The following PIN1 variants were observed in gnomAD, a reference collection of about 807,000 sequenced individuals.
PIN1 encodes the protein peptidylprolyl cis/trans isomerase, NIMA-interacting 1.
A neutral mutation model predicts 19.9 loss-of-function variants in PIN1; 8 were observed. That is an observed-to-expected ratio of 0.40 (90% confidence interval 0.24 to 0.72). The LOEUF is 0.72. Ranked by LOEUF, PIN1 falls within the 30% of genes least tolerant of loss-of-function variation. The probability of loss-of-function intolerance (pLI) is 0.37; values close to 1 mark genes in which losing one functional copy is unlikely to be tolerated. For missense variants in PIN1, 185 were observed against 226.5 expected (o/e 0.82, Z 1.18); for synonymous variants, 86 against 90.8 (o/e 0.95, Z 0.30).
At chr19:9,835,774 A>T in intron 1 of PIN1, 1 of 272,844 alleles carries the variant, frequency 3.7e-6, no homozygotes, top group Middle Eastern at 1.1e-3. Context: ...GTACCCTGCA[A>T]AGGGCGTAGG....
chr19:9,849,595 G>A lies in PIN1; in HGVS notation c.*396G>A, dbSNP rs1299167866. 3 of 542,572 alleles carry A rather than the reference G, an allele frequency of 5.5e-6. No individual in the cohort carries two copies. Among genetic ancestry groups the A allele is most frequent in the South Asian group, 2.8e-5 (2 of 71,788 alleles). 33.6% of individuals were successfully genotyped at this position (542,572 alleles called of 1,614,324 possible). On this transcript the variant is annotated 3_prime_UTR_variant, in exon 4 of 4. Transcript: ENST00000247970. ...TTAGGCCACGCTCCTCTGTTCAGTC[G>A]CAAAGGTGAACACTCATGCGGCCCA... is the stretch of plus-strand genomic sequence containing the variant.
rs1211526293 is a variant in PIN1, at chr19:9,838,181, A to T, written c.59-255A>T. 1 of 559,906 alleles carries T rather than the reference A, an allele frequency of 1.8e-6. No individual in the cohort carries two copies. The highest frequency in any genetic ancestry group is 3.2e-6 in the Non-Finnish European group (1 of 310,150). The allele number at this position is 559,906 out of a possible 1,614,324, so 34.7% of individuals were successfully genotyped here. A position where few individuals can be genotyped will look rare whatever the true frequency, so the allele number is the denominator to read the frequency against. On this transcript the variant is annotated intron_variant, in intron 1 of 3. Transcript: ENST00000247970. This position sits in a 1 kb window ranked among gnomAD's most constrained non-coding sequence, Gnocchi z 5.8. Reference sequence around the variant, plus strand: ...CTCCTTGAAGTTATCAGGGATTGATACTATCCTGTGTTTCATTTGCTTGTT... The same window carrying T: ...CTCCTTGAAGTTATCAGGGATTGATTCTATCCTGTGTTTCATTTGCTTGTT...
In PIN1 at chr19:9,849,189, G is replaced by T; in HGVS notation, c.482G>T (p.Arg161Leu). The change falls in exon 4 of 4, where the codon CGC becomes CTC. Residue 161 changes from arginine (R) to leucine (L), a missense_variant. Transcript: ENST00000247970. ...FTDSGIHIIL[R>L]TE ...GATTCCGGCATCCACATCATCCTCC[G>T]CACTGAGTGAGGGTGGGGAGCCCAG... The T allele has an allele frequency of 2.5e-6, 4 of 1,607,622 alleles. No individual in the cohort carries two copies. Among genetic ancestry groups the T allele is most frequent in the Non-Finnish European group, 3.4e-6 (4 of 1,175,394 alleles).
Position 9,846,461 on chromosome 19 carries a change from G to A in PIN1, c.272-1569G>A, listed in dbSNP as rs1245628486. ...AGGCGGAGGGGCACAGGGATGTCAG[G>A]GCAGCAGGTCGTGGTGACATCCAGC... On this transcript the variant is annotated intron_variant, in intron 2 of 3. Transcript: ENST00000247970. This position sits in a 1 kb window ranked among gnomAD's most constrained non-coding sequence, Gnocchi z 5.9. 6.6e-6 allele frequency among the ~76,000 whole-genome samples: 1 copy of A among 152,198 alleles called. No individual in the cohort carries two copies. Among genetic ancestry groups the A allele is most frequent in the African/African-American group, 2.4e-5 (1 of 41,452 alleles).
chr19:9,848,609 CTCCTCCTCT>C (rs937615734), intron 3 of PIN1: 7 of 238,088 alleles, frequency 2.9e-5, no homozygotes, highest in African/African-American at 1.4e-4. Context: ...GGGACTAGGC[CTCCTCCTCT>C]TCCTCCTCTT....
At chr19:9,836,772 G>A (rs1482084214) in intron 1 of PIN1, 4 of 1,212,184 alleles carry the variant, frequency 3.3e-6, no homozygotes, top group Non-Finnish European at 4.3e-6. Flanking sequence ...GCTTTCGGGT[G>A]TGAAGTACCT....
At position 9,849,190 on chromosome 19, in the gene PIN1, C is replaced by A. The variant is rs369416526; in HGVS notation, c.483C>A (p.Arg161=). The part of the protein sequence containing the change: ...FTDSGIHIIL[R]TE ...ATTCCGGCATCCACATCATCCTCCG[C>A]ACTGAGTGAGGGTGGGGAGCCCAGG... Residue 161 remains arginine, a synonymous_variant, in exon 4 of 4, where the codon CGC becomes CGA. Transcript: ENST00000247970. 17 of 1,607,744 alleles carry A rather than the reference C, an allele frequency of 1.1e-5. No homozygotes were observed. The African/African-American group carries it at 2.0e-4, about 19-fold the overall frequency.
At chr19:9,842,340 C>T (rs2046176139) in intron 2 of PIN1, among the ~76,000 whole-genome samples, 1 of 152,176 alleles carries the variant, frequency 6.6e-6, no homozygotes, top group South Asian at 2.1e-4. Flanking sequence ...GATTTCAGTG[C>T]CAGCTGTGTG....
At chr19:9,848,405 CCT>C (rs2046243076) in intron 3 of PIN1, 1 of 487,188 alleles carries the variant, frequency 2.1e-6, no homozygotes. Context: ...GCACAGATGT[CCT>C]CATCCCAGGC....
chr19:9,840,667 C>A (rs2046157041), intron 2 of PIN1, among the ~76,000 whole-genome samples: 1 of 152,206 alleles, frequency 6.6e-6, no homozygotes, highest in Admixed American at 6.5e-5. Context: ...GTGTTCATAG[C>A]TCACTGCAGC....
intron 1 of PIN1, chr19:9,837,799 A>AT (rs541804070): frequency 6.5e-6 from 1 of 153,274 alleles, no homozygotes; most frequent in Non-Finnish European, 1.5e-5. Context: ...TGCCGGGCTA[A>AT]TTTTTTATAT....
At chr19:9,848,999 GCC>G in intron 3 of PIN1, 89 bp from the exon 4 acceptor site, 1 of 751,072 alleles carries the variant, frequency 1.3e-6, no homozygotes. Context: ...GCAGGCAGGA[GCC>G]CCATCTGTCG....
rs534557921 is a variant in PIN1, at chr19:9,838,959, A to G, written c.271+311A>G. Among the ~76,000 whole-genome samples, 1 of 152,292 alleles carries G rather than the reference A, an allele frequency of 6.6e-6. No homozygotes were observed. Among genetic ancestry groups the G allele is most frequent in the African/African-American group, 2.4e-5 (1 of 41,560 alleles). ...GGAGGGGACTCGTGTCACCTCCCCTAGACTCAGCTTTCTCTGTAAAATGGG... is the reference window on the plus strand; with the variant it reads ...GGAGGGGACTCGTGTCACCTCCCCTGGACTCAGCTTTCTCTGTAAAATGGG... On this transcript the variant is annotated intron_variant, in intron 2 of 3. Coordinates refer to ENST00000247970, the MANE Select transcript of PIN1 (RefSeq NM_006221.4). This position sits in a 1 kb window ranked among gnomAD's most constrained non-coding sequence, Gnocchi z 5.8.
In PIN1 at chr19:9,849,228, G is replaced by A. The variant is rs767021779; in HGVS notation, c.*29G>A. 8.7e-6 allele frequency: 13 copies of A among 1,496,224 alleles called. No individual in the cohort carries two copies. Among genetic ancestry groups the A allele is most frequent in the Non-Finnish European group, 1.2e-5 (13 of 1,083,706 alleles). The allele number at this position is 1,496,224 out of a possible 1,614,324, so 92.7% of individuals were successfully genotyped here. A position where few individuals can be genotyped will look rare whatever the true frequency, so the allele number is the denominator to read the frequency against. ...TGGGGAGCCCAGGCCTGGCCTCGGG[G>A]CAGGGCAGGGCGGCTAGGCCGGCCA... On this transcript the variant is annotated 3_prime_UTR_variant, in exon 4 of 4. Coordinates refer to ENST00000247970, the MANE Select transcript of PIN1 (RefSeq NM_006221.4).
Position 9,838,910 on chromosome 19 carries a change from CCTCTGTGAA to C in PIN1, c.271+271_271+279del, listed in dbSNP as rs1309644179. Among the ~76,000 whole-genome samples, 4 of 152,114 alleles carry C rather than the reference CCTCTGTGAA, an allele frequency of 2.6e-5. No homozygotes were observed. The highest frequency in any genetic ancestry group is 7.2e-5 in the African/African-American group (3 of 41,428). On this transcript the variant is annotated intron_variant, in intron 2 of 3. Transcript: ENST00000247970. This position sits in a 1 kb window ranked among gnomAD's most constrained non-coding sequence, Gnocchi z 5.8. ...GACATGGGTTCAGGTAGTAGCTGTG[CCTCTGTGAA>C]CTCTGTGACCTTTGGGAGGGGACTC...
chr19:9,835,738 G>T (rs1360536139), intron 1 of PIN1: 1 of 347,882 alleles, frequency 2.9e-6, no homozygotes, highest in Non-Finnish European at 5.2e-6. Context: ...TGGGCCCGGG[G>T]GCACCCCTGG....
In PIN1 at chr19:9,838,264, T is replaced by C; in HGVS notation, c.59-172T>C. On this transcript the variant is annotated intron_variant, in intron 1 of 3. Coordinates refer to ENST00000247970, the MANE Select transcript of PIN1 (RefSeq NM_006221.4). This position sits in a 1 kb window ranked among gnomAD's most constrained non-coding sequence, Gnocchi z 5.8. ...CTCTCTAAGGGCAGGGACTGTATCC[T>C]GCCACATTGGCCCACGTCTGGAGAG... The C allele has an allele frequency of 1.5e-6, 1 of 688,568 alleles. No homozygotes were observed. Among genetic ancestry groups the C allele is most frequent in the Non-Finnish European group, 2.7e-6 (1 of 372,932 alleles). 42.7% of individuals were successfully genotyped at this position (688,568 alleles called of 1,614,324 possible). A position where few individuals can be genotyped will look rare whatever the true frequency, so the allele number is the denominator to read the frequency against.
In PIN1 at chr19:9,835,447, T is replaced by C. The variant is rs560013504; in HGVS notation, c.58+45T>C. The C allele has an allele frequency of 1.2e-4, 158 of 1,338,126 alleles. No individual in the cohort carries two copies. The East Asian group carries it at 4.6e-3, about 39-fold the overall frequency. 82.9% of individuals were successfully genotyped at this position (1,338,126 alleles called of 1,614,324 possible). A position where few individuals can be genotyped will look rare whatever the true frequency, so the allele number is the denominator to read the frequency against. On this transcript the variant is annotated intron_variant, in intron 1 of 3. Coordinates refer to ENST00000247970, the MANE Select transcript of PIN1 (RefSeq NM_006221.4). ...TGGGGCGGGACTGCGCGGGCCCGCG[T>C]AAGCAGGGCTCGAGCTCGCCCCTTG...
chr19:9,841,368 C>T (rs2046164488), intron 2 of PIN1, among the ~76,000 whole-genome samples: 1 of 152,154 alleles, frequency 6.6e-6, no homozygotes, highest in Non-Finnish European at 1.5e-5. Context: ...CAGAGTCAGC[C>T]CTCACAGCCT....
Sources: allele counts gnomAD v4.1 joint callset (sites outside exome capture counted in the v4.1 genomes callset), GRCh38; gene constraint gnomAD v4.1.1; non-coding constraint Gnocchi (gnomAD v3.1); transcripts MANE v1.5; gene names NCBI Gene and HGNC (gene_info 2026-07-23, HGNC 2026-07-21).